Variants in GRIN2B observed in about 807,000 individuals in gnomAD.
GRIN2B encodes glutamate ionotropic receptor NMDA type subunit 2B, also known as glutamate receptor ionotropic, NMDA 2B.
A neutral mutation model predicts 114.5 loss-of-function variants in GRIN2B; 5 were observed. The ratio of observed to expected loss-of-function variants is 0.04; its 90% CI spans 0.02 to 0.09. The LOEUF (loss-of-function observed/expected upper bound fraction) is 0.09, where lower values mean the gene tolerates loss of function less well. Ranked by LOEUF, GRIN2B falls within the 10% of genes least tolerant of loss-of-function variation. GRIN2B has a pLI of 1.00. For synonymous variants in GRIN2B, 787 were observed against 745.1 expected, an observed-to-expected ratio of 1.06 and a Z score of -0.92; for missense variants, 1,108 against 1,943.5, an observed-to-expected ratio of 0.57 and a Z score of 8.08.
Position 13,772,516 on chromosome 12 carries a change from C to G in GRIN2B, c.412-18601G>C, listed in dbSNP as rs1045111426. ...CTGATTCTTTGGGATGATTCATCAGCTACAGTGTACTCGCTGAAGTATCAA... is the reference window on the plus strand; with the variant it reads ...CTGATTCTTTGGGATGATTCATCAGGTACAGTGTACTCGCTGAAGTATCAA... On this transcript the variant is annotated intron_variant, in intron 3 of 13. Coordinates refer to ENST00000609686, the MANE Select transcript of GRIN2B (RefSeq NM_000834.5). Among the ~76,000 whole-genome samples, 4 of 152,322 alleles carry G rather than the reference C, an allele frequency of 2.6e-5. No homozygotes were observed. The South Asian group carries it at 6.2e-4, about 24-fold the overall frequency.
chr12:13,661,118 C>G (rs1011113592), intron 5 of GRIN2B, among the ~76,000 whole-genome samples: 14 of 152,104 alleles, frequency 9.2e-5, no homozygotes, highest in African/African-American at 3.4e-4. Flanking sequence ...TCTCCTAGTC[C>G]TCTAGCTGAG....
At chr12:13,893,033 G>A (rs1866289105) in intron 2 of GRIN2B, among the ~76,000 whole-genome samples, 7 of 152,140 alleles carry the variant, frequency 4.6e-5, no homozygotes, top group Admixed American at 3.3e-4. Context: ...GTGACCCCTT[G>A]AGAATCATTT....
intron 4 of GRIN2B, among the ~76,000 whole-genome samples, chr12:13,682,811 A>C (rs978510031): frequency 6.6e-6 from 1 of 152,166 alleles, no homozygotes; most frequent in Non-Finnish European, 1.5e-5. Flanking sequence ...ACCATCTATT[A>C]TGAAGAAAAA....
At chr12:13,621,230 A>G (rs891874013) in intron 5 of GRIN2B, among the ~76,000 whole-genome samples, 1 of 152,216 alleles carries the variant, frequency 6.6e-6, no homozygotes, top group Non-Finnish European at 1.5e-5. Context: ...GAGAAGCCGG[A>G]GACACCAAGC....
rs1272070448 is a variant in GRIN2B, at chr12:13,548,227, G to T, written c.*14556C>A. On this transcript the variant is annotated 3_prime_UTR_variant, in exon 14 of 14. Transcript: ENST00000609686. The stretch of plus-strand genomic sequence containing the variant: ...TTTCATAGGATAGCTAAGCACCCAT[G>T]CCCCCTAAGGGATACTTGAAATAGG... 1.3e-5 allele frequency: 2 copies of T among 151,674 alleles called. No individual in the cohort carries two copies. The highest frequency in any genetic ancestry group is 2.9e-5 in the Non-Finnish European group (2 of 67,936). 9.4% of individuals were successfully genotyped at this position (151,674 alleles called of 1,614,324 possible).
At chr12:13,848,136 G>A (rs1212797186) in intron 3 of GRIN2B, among the ~76,000 whole-genome samples, 8 of 152,136 alleles carry the variant, frequency 5.3e-5, no homozygotes, top group Non-Finnish European at 1.0e-4. Context: ...CCCCACAAAC[G>A]GTGGAATCTG....
At chr12:13,799,883 C>T (rs1864477065) in intron 3 of GRIN2B, among the ~76,000 whole-genome samples, 1 of 152,078 alleles carries the variant, frequency 6.6e-6, no homozygotes, top group South Asian at 2.1e-4. Flanking sequence ...AGGGAGAGAA[C>T]TCAGGCTCCT....
At chr12:13,675,965 T>C (rs572164646) in intron 4 of GRIN2B, 106 bp from the exon 5 acceptor site, 8 of 715,938 alleles carry the variant, frequency 1.1e-5, no homozygotes, top group South Asian at 8.9e-5. Context: ...GACAAGTAAA[T>C]AGAAATACAG....
intron 3 of GRIN2B, among the ~76,000 whole-genome samples, chr12:13,777,211 A>T (rs1864021845): frequency 6.6e-6 from 1 of 152,182 alleles, no homozygotes; most frequent in Non-Finnish European, 1.5e-5. Context: ...CACACAGAAA[A>T]TAAAGAGTTA....
intron 10 of GRIN2B, among the ~76,000 whole-genome samples, chr12:13,573,664 G>A (rs1018556470): frequency 1.3e-5 from 2 of 152,206 alleles, no homozygotes; most frequent in Admixed American, 6.5e-5. Flanking sequence ...TTGGTTTCAA[G>A]TAATAGTACC....
At position 13,561,604 on chromosome 12, in the gene GRIN2B, G is replaced by C. The variant is rs140845306; in HGVS notation, c.*1179C>G. On this transcript the variant is annotated 3_prime_UTR_variant, in exon 14 of 14. Coordinates refer to ENST00000609686, the MANE Select transcript of GRIN2B (RefSeq NM_000834.5). ...TCCTTACTTCTTCAAAGGTGGCTTC[G>C]TTCTTCCCCAAACCTTGGCCAGTCG... The C allele has an allele frequency of 6.6e-6, 1 of 152,546 alleles. No individual in the cohort carries two copies. The highest frequency in any genetic ancestry group is 2.4e-5 in the African/African-American group (1 of 41,402). The allele number at this position is 152,546 out of a possible 1,614,324, so 9.4% of individuals were successfully genotyped here.
At chr12:13,578,067 G>GT (rs965938465) in intron 10 of GRIN2B, among the ~76,000 whole-genome samples, 9 of 152,250 alleles carry the variant, frequency 5.9e-5, no homozygotes, top group African/African-American at 2.2e-4. Flanking sequence ...CAGTAAGCCT[G>GT]TTTTTTATTT....
At chr12:13,969,659 A>C (rs974136625) in intron 2 of GRIN2B, among the ~76,000 whole-genome samples, 1 of 152,202 alleles carries the variant, frequency 6.6e-6, no homozygotes, top group African/African-American at 2.4e-5. Flanking sequence ...GGATATACAA[A>C]TTCTGATTAC....
At chr12:13,950,607 C>A (rs1283348709) in intron 2 of GRIN2B, among the ~76,000 whole-genome samples, 1 of 152,064 alleles carries the variant, frequency 6.6e-6, no homozygotes, top group Non-Finnish European at 1.5e-5. Context: ...AAATTACTGG[C>A]CTAGGTTTCT....
intron 2 of GRIN2B, among the ~76,000 whole-genome samples, chr12:13,960,983 C>T (rs932708676): frequency 6.6e-6 from 1 of 152,108 alleles, no homozygotes; most frequent in Non-Finnish European, 1.5e-5. Flanking sequence ...AGAGAATGCT[C>T]AGAGAGCCCA....
intron 5 of GRIN2B, among the ~76,000 whole-genome samples, chr12:13,656,923 C>T (rs1949870248): frequency 6.6e-6 from 1 of 152,150 alleles, no homozygotes; most frequent in South Asian, 2.1e-4. Context: ...TCCAAGGTCA[C>T]CCACTAGATG....
At chr12:13,743,545 A>T (rs1245909128) in intron 4 of GRIN2B, among the ~76,000 whole-genome samples, 10 of 152,188 alleles carry the variant, frequency 6.6e-5, no homozygotes, top group Non-Finnish European at 1.3e-4. Flanking sequence ...GTAATATAAT[A>T]ATGCTCTATT....
Position 13,553,425 on chromosome 12 carries a change from C to T in GRIN2B, c.*9358G>A, listed in dbSNP as rs1469188439. ...GAGGTAAAGTGCTCAATTACCTCAA[C>T]TCTTATCCTCCCTTTGGGAGAAGTG... On this transcript the variant is annotated 3_prime_UTR_variant, in exon 14 of 14. Coordinates refer to ENST00000609686, the MANE Select transcript of GRIN2B (RefSeq NM_000834.5). The T allele has an allele frequency of 2.0e-5, 3 of 152,204 alleles. No individual in the cohort carries two copies. Among genetic ancestry groups the T allele is most frequent in the Middle Eastern group, 3.2e-3 (1 of 316 alleles). 9.4% of individuals were successfully genotyped at this position (152,204 alleles called of 1,614,324 possible).
chr12:13,776,818 G>C (rs938706937), intron 3 of GRIN2B, among the ~76,000 whole-genome samples: 2 of 152,156 alleles, frequency 1.3e-5, no homozygotes, highest in African/African-American at 4.8e-5. Flanking sequence ...GCAAGGCAAA[G>C]AAATGGAGGA....
Sources: gnomAD v4.1 joint callset for allele counts (sites outside exome capture counted in the v4.1 genomes callset) on GRCh38, gnomAD v4.1.1 for gene constraint, MANE v1.5 for transcripts, NCBI Gene and HGNC (gene_info 2026-07-23, HGNC 2026-07-21) for gene names.